FGF9: variants seen among roughly 807,000 people sequenced by gnomAD.
FGF9 encodes the protein fibroblast growth factor 9 (glia-activating factor).
Under a neutral mutation model 19.9 loss-of-function variants are expected in FGF9, and 3 were observed. That is an observed-to-expected ratio of 0.15 (90% CI 0.07 to 0.39). The LOEUF is 0.39. Among genes scored for constraint, FGF9 ranks in the 10% least tolerant of loss-of-function variants. FGF9 has a pLI of 1.00. For missense variants in FGF9, 175 were observed against 256.8 expected (o/e 0.68, Z 2.18); for synonymous variants, 107 against 106.9 (o/e 1.00, Z -0.01).
At chr13:21,686,054 A>G (rs904440062) in intron 2 of FGF9, among the ~76,000 whole-genome samples, 1 of 152,158 alleles carries the variant, frequency 6.6e-6, no homozygotes, top group Non-Finnish European at 1.5e-5. Flanking sequence ...AGTATTATAA[A>G]AATACTTAAA....
intron 2 of FGF9, among the ~76,000 whole-genome samples, chr13:21,687,857 C>A (rs1337244277): frequency 1.3e-5 from 2 of 152,216 alleles, no homozygotes; most frequent in African/African-American, 4.8e-5. Context: ...GTGGGATGGT[C>A]ATCTGTGGGC....
chr13:21,674,248 CCTT>C (rs1019794494), intron 1 of FGF9: 3 of 152,084 alleles, frequency 2.0e-5, no homozygotes, highest in East Asian at 1.9e-4. Flanking sequence ...CATTCCGTGT[CCTT>C]CTTCTGAAGC....
At chr13:21,684,283 A>G (rs1872107750) in intron 2 of FGF9, among the ~76,000 whole-genome samples, 2 of 150,754 alleles carry the variant, frequency 1.3e-5, no homozygotes, top group Admixed American at 1.3e-4. Flanking sequence ...AGTGTGGTCA[A>G]TTGTATTTCT....
chr13:21,689,610 A>G (rs940551444), intron 2 of FGF9, among the ~76,000 whole-genome samples: 2 of 152,222 alleles, frequency 1.3e-5, no homozygotes, highest in African/African-American at 4.8e-5. Context: ...AGGGAGCCCC[A>G]CATGCTAGTA....
At chr13:21,680,370 G>C (rs187719453) in intron 1 of FGF9, among the ~76,000 whole-genome samples, 2 of 152,136 alleles carry the variant, frequency 1.3e-5, no homozygotes, top group Admixed American at 1.3e-4. Context: ...TAGAGAGCTG[G>C]ATAATTTTCT....
Position 21,701,786 on chromosome 13 carries a change from C to A in FGF9, c.*351C>A. On this transcript the variant is annotated 3_prime_UTR_variant, in exon 3 of 3. Transcript: ENST00000382353. ...GGGCGGAGCGAGAGCAAAAGGACTG[C>A]GGCCTGATGCATGCTGGAAAAAGAC... 1 of 288,312 alleles carries A rather than the reference C, an allele frequency of 3.5e-6. No individual in the cohort carries two copies. Among genetic ancestry groups the A allele is most frequent in the Non-Finnish European group, 6.7e-6 (1 of 148,750 alleles). The allele number at this position is 288,312 out of a possible 1,614,324, so 17.9% of individuals were successfully genotyped here. A position where few individuals can be genotyped will look rare whatever the true frequency, so the allele number is the denominator to read the frequency against.
intron 1 of FGF9, among the ~76,000 whole-genome samples, chr13:21,675,924 C>CTTT (rs58436546): frequency 7.3e-6 from 1 of 137,596 alleles, no homozygotes; most frequent in Non-Finnish European, 1.6e-5. Context: ...TTGAAGGAGC[C>CTTT]TTTTTTTTTT....
intron 2 of FGF9, among the ~76,000 whole-genome samples, chr13:21,696,798 T>A (rs1872420649): frequency 6.6e-6 from 1 of 152,234 alleles, no homozygotes; most frequent in South Asian, 2.1e-4. Flanking sequence ...TGAAGTGTGA[T>A]CCTAAAGAGA....
At chr13:21,693,846 C>T (rs911354317) in intron 2 of FGF9, among the ~76,000 whole-genome samples, 27 of 152,328 alleles carry the variant, frequency 1.8e-4, no homozygotes, top group African/African-American at 6.3e-4. Context: ...ATCTCATTCT[C>T]TGCCGCCTTC....
At chr13:21,695,240 G>A (rs1872381376) in intron 2 of FGF9, among the ~76,000 whole-genome samples, 1 of 152,086 alleles carries the variant, frequency 6.6e-6, no homozygotes, top group Non-Finnish European at 1.5e-5. Context: ...AGGAGGAGTG[G>A]AGAGAATTTA....
rs752839730 is a variant in FGF9, at chr13:21,702,988, GAA to G, written c.*1554_*1555del. ...TAACATTTTATGCTGAAAAGCATAAGAATACGTATTTCTTTAGTAGCAATAAT... is the reference window on the plus strand; with the variant it reads ...TAACATTTTATGCTGAAAAGCATAAGTACGTATTTCTTTAGTAGCAATAAT... On this transcript the variant is annotated 3_prime_UTR_variant, in exon 3 of 3. Transcript: ENST00000382353. 6 of 152,170 alleles carry G rather than the reference GAA, an allele frequency of 3.9e-5. No homozygotes were observed. Among genetic ancestry groups the G allele is most frequent in the Admixed American group, 1.3e-4 (2 of 15,284 alleles). The allele number at this position is 152,170 out of a possible 1,614,324, so 9.4% of individuals were successfully genotyped here.
At position 21,672,066 on chromosome 13, in the gene FGF9, A is replaced by T. The variant is rs755561237; in HGVS notation, c.154A>T (p.Thr52Ser). ...GGGGCTCCCCAGGGGACCCGCAGTC[A>T]CGGACTTGGATCATTTAAAGGGGAT... ...AGGLPRGPAV[T>S]DLDHLKGILR... The change falls in exon 1 of 3, where the codon ACG (threonine) becomes TCG (serine). Residue 52 changes from threonine (T) to serine (S), a missense_variant. By Grantham distance (58) the Thr-to-Ser change is moderately conservative. Coordinates refer to ENST00000382353, the MANE Select transcript of FGF9 (RefSeq NM_002010.3). The surrounding 1 kb of genome is among the most constrained non-coding windows in gnomAD (Gnocchi z 4.2). 1.9e-6 allele frequency: 3 copies of T among 1,614,096 alleles called. No individual in the cohort carries two copies. The African/African-American group carries it at 4.0e-5, about 22-fold the overall frequency.
At chr13:21,678,645 T>C (rs1039122712) in intron 1 of FGF9, among the ~76,000 whole-genome samples, 8 of 152,240 alleles carry the variant, frequency 5.3e-5, no homozygotes, top group Non-Finnish European at 1.0e-4. Flanking sequence ...TGGGCAACAC[T>C]GGCTAATATT....
In FGF9 at chr13:21,702,972, A is replaced by G. The variant is rs113663150; in HGVS notation, c.*1537A>G. 186 of 152,364 alleles carry G rather than the reference A, an allele frequency of 1.2e-3. 1 individual carries two copies. Among genetic ancestry groups the G allele is most frequent in the African/African-American group, 4.2e-3 (174 of 41,588 alleles). The allele number at this position is 152,364 out of a possible 1,614,324, so 9.4% of individuals were successfully genotyped here. ...TTTTACAAGGCTTTTATAACATTTT[A>G]TGCTGAAAAGCATAAGAATACGTAT... On this transcript the variant is annotated 3_prime_UTR_variant, in exon 3 of 3. Transcript: ENST00000382353.
rs892707544 is a variant in FGF9 at position 21,703,040 on chromosome 13, G to A, written c.*1605G>A. 3.1e-4 allele frequency: 47 copies of A among 152,150 alleles called. No individual in the cohort carries two copies. The highest frequency in any genetic ancestry group is 2.9e-3 in the Admixed American group (45 of 15,268). 9.4% of individuals were successfully genotyped at this position (152,150 alleles called of 1,614,324 possible). On this transcript the variant is annotated 3_prime_UTR_variant, in exon 3 of 3. Coordinates refer to ENST00000382353, the MANE Select transcript of FGF9 (RefSeq NM_002010.3). ...TTTTGGAACTTGCCCTTGGGCAAGCGAGACTATTTCTTACTATATACTAAG... is the reference window on the plus strand; with the variant it reads ...TTTTGGAACTTGCCCTTGGGCAAGCAAGACTATTTCTTACTATATACTAAG...
At position 21,671,334 on chromosome 13, in the gene FGF9, G is replaced by C; in HGVS notation, c.-579G>C. ...TATTATTATTATCATTTTTTGGAGG[G>C]GGGACCGGGAGGGGAGATTTGTCGC... On this transcript the variant is annotated 5_prime_UTR_variant, in exon 1 of 3. Transcript: ENST00000382353. The C allele has an allele frequency of 2.6e-6, 1 of 391,098 alleles. No homozygotes were observed. Among genetic ancestry groups the C allele is most frequent in the East Asian group, 3.6e-5 (1 of 27,584 alleles). The allele number at this position is 391,098 out of a possible 1,614,324, so 24.2% of individuals were successfully genotyped here.
chr13:21,679,881 C>T (rs903547597), intron 1 of FGF9, among the ~76,000 whole-genome samples: 12 of 148,340 alleles, frequency 8.1e-5, no homozygotes, highest in Non-Finnish European at 1.3e-4. Flanking sequence ...GGTGTGAATC[C>T]GGGAGGCGGA....
intron 2 of FGF9, among the ~76,000 whole-genome samples, chr13:21,684,507 A>T (rs1172128929): frequency 6.6e-6 from 1 of 152,162 alleles, no homozygotes; most frequent in Non-Finnish European, 1.5e-5. Context: ...TTAGGTCTCC[A>T]GTTGAAGGAG....
At chr13:21,697,778 A>T (rs1872442961) in intron 2 of FGF9, among the ~76,000 whole-genome samples, 1 of 151,628 alleles carries the variant, frequency 6.6e-6, no homozygotes, top group Non-Finnish European at 1.5e-5. Flanking sequence ...ATTATTCAAA[A>T]ATTGCATTTT....
Sources: gnomAD v4.1 joint callset for allele counts (sites outside exome capture counted in the v4.1 genomes callset) on GRCh38, gnomAD v4.1.1 for gene constraint, Gnocchi (gnomAD v3.1) non-coding constraint, MANE v1.5 for transcripts, NCBI Gene and HGNC (gene_info 2026-07-23, HGNC 2026-07-21) for gene names.